TSPAN33: variants seen among roughly 807,000 people sequenced by gnomAD.
The protein encoded by TSPAN33 is tetraspanin-33.
TSPAN33 carries 27 observed loss-of-function variants against 34.8 expected under a neutral mutation model. That is an observed-to-expected ratio of 0.78 (90% confidence interval 0.57 to 1.07). TSPAN33 has a LOEUF of 1.07. Among genes scored for constraint, TSPAN33 ranks in the 50% least tolerant of loss-of-function variants. The probability of loss-of-function intolerance (pLI) is 0.00; values close to 1 mark genes in which losing one functional copy is unlikely to be tolerated. For synonymous variants in TSPAN33, 119 were observed against 124.2 expected (o/e 0.96, Z 0.28); for missense variants, 272 against 324.9 (o/e 0.84, Z 1.25).
At position 129,168,982 on chromosome 7, in the gene TSPAN33, G is replaced by A. The variant is rs909531155; in HGVS notation, c.*1108G>A. On this transcript the variant is annotated 3_prime_UTR_variant, in exon 8 of 8. Transcript: ENST00000486685. ...GCGCGTCTCCTTCAACCGATGCATT[G>A]CCACCCTCCCACAGCCTCGCCCTCT... Among the ~76,000 whole-genome samples the A allele has an allele frequency of 6.6e-6, 1 of 152,152 alleles. No homozygotes were observed. The highest frequency in any genetic ancestry group is 1.5e-5 in the Non-Finnish European group (1 of 68,026).
chr7:129,157,945 A>G (rs1426399328), intron 1 of TSPAN33, among the ~76,000 whole-genome samples: 1 of 152,248 alleles, frequency 6.6e-6, no homozygotes, highest in Non-Finnish European at 1.5e-5. Flanking sequence ...CCAGAAGGCC[A>G]AAACAGGTTT....
At position 129,144,741 on chromosome 7, in the gene TSPAN33, C is replaced by A. The variant is rs1439445478; in HGVS notation, c.-240C>A. ...TGGCTGGCCGGGCTGGTCCTGCGGC[C>A]GCGGGTGAGTCTCGTCCGCTCGCGC... On this transcript the variant is annotated 5_prime_UTR_variant, in exon 1 of 8. Transcript: ENST00000486685. Among the ~76,000 whole-genome samples, 1 of 101,580 alleles carries A rather than the reference C, an allele frequency of 9.8e-6. No individual in the cohort carries two copies. Among genetic ancestry groups the A allele is most frequent in the Admixed American group, 9.1e-5 (1 of 10,976 alleles). 66.6% of individuals were successfully genotyped at this position (101,580 alleles called of 152,430 possible).
chr7:129,163,028 G>A, intron 4 of TSPAN33, 121 bp downstream of exon 4: 1 of 932,728 alleles, frequency 1.1e-6, no homozygotes, highest in South Asian at 1.5e-5. Flanking sequence ...ATCAGTCGTT[G>A]AAAAGTTCAT....
At position 129,145,080 on chromosome 7, in the gene TSPAN33, T is replaced by C. The variant is rs961511260; in HGVS notation, c.100T>C (p.Trp34Arg). 1.4e-6 allele frequency: 1 copy of C among 717,104 alleles called. No homozygotes were observed. 44.4% of individuals were successfully genotyped at this position (717,104 alleles called of 1,614,324 possible). ...YLLFFFNMLF[W>R]VISMVMVAVG... ...GCTCTTCTTCTTCAACATGCTCTTC[T>C]GGGTGAGTCTCGGGGTCGAGGGCAC... The change falls in exon 1 of 8, where the codon TGG (tryptophan) becomes CGG (arginine). Residue 34 changes from tryptophan (W) to arginine (R), a missense_variant and splice_region_variant. Transcript: ENST00000486685.
At chr7:129,157,935 C>T (rs1792981129) in intron 1 of TSPAN33, among the ~76,000 whole-genome samples, 1 of 152,202 alleles carries the variant, frequency 6.6e-6, no homozygotes, top group South Asian at 2.1e-4. Flanking sequence ...TTTCTGGTGG[C>T]CAGAAGGCCA....
At chr7:129,155,754 C>T (rs907666670) in intron 1 of TSPAN33, among the ~76,000 whole-genome samples, 3 of 151,700 alleles carry the variant, frequency 2.0e-5, no homozygotes, top group African/African-American at 7.3e-5. Context: ...CAGGGTCTTG[C>T]TGTGTCACCC....
At chr7:129,156,558 G>A (rs1810667030) in intron 1 of TSPAN33, among the ~76,000 whole-genome samples, 1 of 152,068 alleles carries the variant, frequency 6.6e-6, no homozygotes, top group Admixed American at 6.6e-5. Context: ...ATCAGCATGG[G>A]CCCACAGATG....
At chr7:129,166,640 A>T in intron 5 of TSPAN33, 138 bp from the exon 6 acceptor site, 1 of 1,002,772 alleles carries the variant, frequency 1.0e-6, no homozygotes, top group Non-Finnish European at 1.4e-6. Context: ...TGGAGCTCAA[A>T]GTTTAAGGCT....
Position 129,145,079 on chromosome 7 carries a change from C to T in TSPAN33, c.99C>T (p.Phe33=), listed in dbSNP as rs1172017736. The T allele has an allele frequency of 4.2e-6, 3 of 717,316 alleles. No individual in the cohort carries two copies. The highest frequency in any genetic ancestry group is 1.5e-5 in the South Asian group (1 of 68,472). The allele number at this position is 717,316 out of a possible 1,614,324, so 44.4% of individuals were successfully genotyped here. A position where few individuals can be genotyped will look rare whatever the true frequency, so the allele number is the denominator to read the frequency against. ...TGCTCTTCTTCTTCAACATGCTCTT[C>T]TGGGTGAGTCTCGGGGTCGAGGGCA... is the stretch of plus-strand genomic sequence containing the variant. ...KYLLFFFNML[F]WVISMVMVAV... Residue 33 remains phenylalanine (F), a synonymous_variant, in exon 1 of 8, where the codon TTC becomes TTT. Coordinates refer to ENST00000486685, the MANE Select transcript of TSPAN33 (RefSeq NM_178562.5).
At chr7:129,161,387 A>G (rs926579967) in intron 1 of TSPAN33, among the ~76,000 whole-genome samples, 1 of 152,226 alleles carries the variant, frequency 6.6e-6, no homozygotes, top group Non-Finnish European at 1.5e-5. Flanking sequence ...CTTCAGTATT[A>G]ACCTTGGATT....
At chr7:129,164,164 A>G (rs1584640883) in intron 4 of TSPAN33, among the ~76,000 whole-genome samples, 1 of 152,262 alleles carries the variant, frequency 6.6e-6, no homozygotes, top group South Asian at 2.1e-4. Flanking sequence ...ATTAAAAATT[A>G]GTTTGTTTTT....
At chr7:129,166,476 G>A (rs1344106450) in intron 5 of TSPAN33, 1 of 222,586 alleles carries the variant, frequency 4.5e-6, no homozygotes, top group Admixed American at 5.7e-5. Flanking sequence ...TGCAAAGCCA[G>A]AAACTTCTCT....
chr7:129,145,716 C>T (rs1193607302), intron 1 of TSPAN33, among the ~76,000 whole-genome samples: 1 of 151,880 alleles, frequency 6.6e-6, no homozygotes. Context: ...AACAGGACCC[C>T]GTGTTGGGCC....
intron 1 of TSPAN33, among the ~76,000 whole-genome samples, chr7:129,146,996 G>A (rs569106525): frequency 2.8e-5 from 4 of 143,536 alleles, no homozygotes; most frequent in East Asian, 2.0e-4. Context: ...CCCTTTTATC[G>A]GACAAACGAC....
chr7:129,154,317 C>G (rs879797408), intron 1 of TSPAN33, among the ~76,000 whole-genome samples: 3 of 151,094 alleles, frequency 2.0e-5, no homozygotes, highest in Admixed American at 2.0e-4. Flanking sequence ...AGAGTGAGAC[C>G]TTGTCTGTTG....
In TSPAN33 at chr7:129,148,243, C is replaced by G. The variant is rs1185897579; in HGVS notation, c.102+3161C>G. On this transcript the variant is annotated intron_variant, in intron 1 of 7. Transcript: ENST00000486685. This position sits in a 1 kb window ranked among gnomAD's most constrained non-coding sequence, Gnocchi z 4.2. ...TTGAGTCAGGCAGAGCCCAGAAGCT[C>G]AGACCTCCAGCCCCTGTGTCTCAGC... Among the ~76,000 whole-genome samples the G allele has an allele frequency of 6.6e-6, 1 of 152,226 alleles. No individual in the cohort carries two copies. The highest frequency in any genetic ancestry group is 1.9e-4 in the East Asian group (1 of 5,204).
At chr7:129,164,426 G>A in intron 4 of TSPAN33, 48 bp from the exon 5 acceptor site, 5 of 1,546,088 alleles carry the variant, frequency 3.2e-6, no homozygotes, top group Non-Finnish European at 4.5e-6. Context: ...GAAGGAGCAA[G>A]TTAGGGATTA....
chr7:129,149,179 G>T lies in TSPAN33; in HGVS notation c.102+4097G>T, dbSNP rs561340835. On this transcript the variant is annotated intron_variant, in intron 1 of 7. Transcript: ENST00000486685. ...AAGAACCATCTCCTTTGCTATGCAG[G>T]TCGCGTGCACACTTCTTAACTTCCC... Among the ~76,000 whole-genome samples the T allele has an allele frequency of 2.6e-5, 4 of 152,296 alleles. No homozygotes were observed. The South Asian group carries it at 6.2e-4, about 24-fold the overall frequency.
chr7:129,154,818 A>G (rs1438652676), intron 1 of TSPAN33, among the ~76,000 whole-genome samples: 1 of 152,244 alleles, frequency 6.6e-6, no homozygotes, highest in Admixed American at 6.5e-5. Flanking sequence ...GAACAATTTT[A>G]CAGAAAAATT....
Sources: allele counts gnomAD v4.1 joint callset (sites outside exome capture counted in the v4.1 genomes callset), GRCh38; gene constraint gnomAD v4.1.1; non-coding constraint Gnocchi (gnomAD v3.1); transcripts MANE v1.5; gene names NCBI Gene and HGNC (gene_info 2026-07-23, HGNC 2026-07-21).